The following PIAS4 variants were observed in gnomAD, a reference collection of about 807,000 sequenced individuals.
PIAS4 encodes E3 SUMO-protein ligase PIAS4.
In PIAS4, 7 loss-of-function variants were observed where a neutral mutation model predicts 58.0. That is an observed-to-expected ratio of 0.12 (90% CI 0.07 to 0.23). The LOEUF (loss-of-function observed/expected upper bound fraction) is 0.23, where lower values mean the gene tolerates loss of function less well. Among genes scored for constraint, PIAS4 ranks in the 10% least tolerant of loss-of-function variants. The pLI is 1.00. For synonymous variants in PIAS4, 364 were observed against 312.4 expected (o/e 1.17, Z -1.74); for missense variants, 550 against 709.5 (o/e 0.78, Z 2.55).
intron 2 of PIAS4, among the ~76,000 whole-genome samples, chr19:4,019,766 C>T (rs909919328): frequency 3.9e-5 from 6 of 152,170 alleles, no homozygotes; most frequent in South Asian, 2.1e-4. Flanking sequence ...AGCATATAAA[C>T]GGGAACCGGC....
At position 4,013,933 on chromosome 19, in the gene PIAS4, C is replaced by T. The variant is rs777433553; in HGVS notation, c.454+584C>T. On this transcript the variant is annotated intron_variant, in intron 2 of 10. Coordinates refer to ENST00000262971, the MANE Select transcript of PIAS4 (RefSeq NM_015897.4). This position sits in a 1 kb window ranked among gnomAD's most constrained non-coding sequence, Gnocchi z 5.1. ...TCCCCCACAGAGTCCGTTGCTCACA[C>T]AGACTCTGTGGCGCATGCAGGGACC... is the stretch of plus-strand genomic sequence containing the variant. Among the ~76,000 whole-genome samples the T allele has an allele frequency of 9.2e-5, 14 of 152,132 alleles. No homozygotes were observed. Among genetic ancestry groups the T allele is most frequent in the Admixed American group, 7.2e-4 (11 of 15,284 alleles).
intron 9 of PIAS4, among the ~76,000 whole-genome samples, chr19:4,035,145 CAG>C (rs901945421): frequency 1.3e-5 from 2 of 152,150 alleles, no homozygotes; most frequent in African/African-American, 2.4e-5. Context: ...AGCATCGCCT[CAG>C]AGAGAGCTCG....
At chr19:4,020,651 A>C (rs2040100423) in intron 2 of PIAS4, among the ~76,000 whole-genome samples, 1 of 152,236 alleles carries the variant, frequency 6.6e-6, no homozygotes, top group Non-Finnish European at 1.5e-5. Context: ...ATGTAGACAC[A>C]GTCTTGCTAT....
At position 4,032,470 on chromosome 19, in the gene PIAS4, C is replaced by T. The variant is rs2040231569; in HGVS notation, c.908-630C>T. Among the ~76,000 whole-genome samples, 3 of 152,254 alleles carry T rather than the reference C, an allele frequency of 2.0e-5. No individual in the cohort carries two copies. The South Asian group carries it at 6.2e-4, about 31-fold the overall frequency. ...GCAGCCAGGGTCCCTGCGTGAGTTT[C>T]CTTCTGGCTGTGGGCCTGCTGCCCG... On this transcript the variant is annotated intron_variant, in intron 7 of 10. Coordinates refer to ENST00000262971, the MANE Select transcript of PIAS4 (RefSeq NM_015897.4).
chr19:4,010,834 G>T (rs970282460), intron 1 of PIAS4, among the ~76,000 whole-genome samples: 1 of 152,242 alleles, frequency 6.6e-6, no homozygotes, highest in African/African-American at 2.4e-5. Context: ...ACAGTCACGG[G>T]GCCCCGCAGC....
chr19:4,026,816 A>G (rs2040169597), intron 3 of PIAS4, among the ~76,000 whole-genome samples: 1 of 151,654 alleles, frequency 6.6e-6, no homozygotes, highest in Non-Finnish European at 1.5e-5. Flanking sequence ...CTGACTAGCT[A>G]GGATTACAGG....
chr19:4,012,878 T>C (rs778383451), intron 1 of PIAS4, 45 bp from the exon 2 acceptor site: 128 of 1,560,926 alleles, frequency 8.2e-5, no homozygotes, highest in Non-Finnish European at 1.1e-4. Flanking sequence ...GTCCCCTGCC[T>C]CGCAGCTGTG....
intron 2 of PIAS4, among the ~76,000 whole-genome samples, chr19:4,019,297 T>G (rs1245670271): frequency 1.3e-5 from 2 of 152,040 alleles, no homozygotes; most frequent in African/African-American, 2.4e-5. Context: ...GGCACAGCAG[T>G]GAGAGCACAG....
intron 2 of PIAS4, among the ~76,000 whole-genome samples, chr19:4,021,963 G>A (rs2040114419): frequency 6.6e-6 from 1 of 151,848 alleles, no homozygotes; most frequent in Admixed American, 6.6e-5. Context: ...TGCCCAGGCT[G>A]GCCTCAAACT....
intron 9 of PIAS4, among the ~76,000 whole-genome samples, chr19:4,033,991 A>T (rs964462513): frequency 1.3e-5 from 2 of 150,218 alleles, no homozygotes; most frequent in African/African-American, 5.1e-5. Flanking sequence ...CGCCTCCTGG[A>T]GCACTCTGGC....
At chr19:4,014,967 C>CGAGGCTCCTCCCTCCAGCCT (rs952283345) in intron 2 of PIAS4, among the ~76,000 whole-genome samples, 1 of 152,088 alleles carries the variant, frequency 6.6e-6, no homozygotes, top group Non-Finnish European at 1.5e-5. Flanking sequence ...CTGCGGCAGC[C>CGAGGCTCCTCCCTCCAGCCT]GAGGCTCCTC....
At position 4,033,588 on chromosome 19, in the gene PIAS4, C is replaced by T. The variant is rs7252360; in HGVS notation, c.1142+8C>T. 8.9e-5 allele frequency: 141 copies of T among 1,592,266 alleles called. No individual in the cohort carries two copies. In the African/African-American group the frequency reaches 1.1e-3, roughly 12 times the overall value. ...CCAGCTCATCATCGACGGGTGAGCC[C>T]GGGGCCCCGGGGAGGGCGGCCGGAG... is the stretch of plus-strand genomic sequence containing the variant. On this transcript the variant is annotated splice_region_variant and intron_variant, in intron 9 of 10. Coordinates refer to ENST00000262971, the MANE Select transcript of PIAS4 (RefSeq NM_015897.4).
chr19:4,017,505 G>A (rs375587892), intron 2 of PIAS4, among the ~76,000 whole-genome samples: 53 of 152,200 alleles, frequency 3.5e-4, no homozygotes, highest in African/African-American at 1.2e-3. Flanking sequence ...ATACCTGACT[G>A]TGCTGCCTCT....
At chr19:4,014,788 G>A (rs1441809726) in intron 2 of PIAS4, among the ~76,000 whole-genome samples, 1 of 152,162 alleles carries the variant, frequency 6.6e-6, no homozygotes, top group Non-Finnish European at 1.5e-5. Context: ...GCTGGCCCCC[G>A]CTCCCCTGCC....
chr19:4,033,044 C>A, intron 7 of PIAS4, 56 bp from the exon 8 acceptor site: 2 of 1,401,676 alleles, frequency 1.4e-6, no homozygotes, highest in Non-Finnish European at 1.0e-6. Flanking sequence ...CGAATCACAG[C>A]CCCGCGCCCT....
At chr19:4,022,817 C>T (rs953430776) in intron 2 of PIAS4, among the ~76,000 whole-genome samples, 7 of 151,368 alleles carry the variant, frequency 4.6e-5, no homozygotes, top group East Asian at 3.9e-4. Flanking sequence ...GGATTACAGG[C>T]GCCCGAACCA....
At chr19:4,027,111 C>T (rs1301297642) in intron 3 of PIAS4, among the ~76,000 whole-genome samples, 1 of 152,136 alleles carries the variant, frequency 6.6e-6, no homozygotes, top group East Asian at 1.9e-4. Flanking sequence ...CTCGGCCTCC[C>T]AAAGTGCTGG....
At chr19:4,029,701 A>C (rs2040203967) in intron 7 of PIAS4, among the ~76,000 whole-genome samples, 1 of 151,114 alleles carries the variant, frequency 6.6e-6, no homozygotes, top group African/African-American at 2.4e-5. Flanking sequence ...GCTACAGTGC[A>C]GTGGTGGGAT....
intron 3 of PIAS4, among the ~76,000 whole-genome samples, chr19:4,025,823 C>A (rs1055288824): frequency 1.1e-4 from 17 of 152,140 alleles, no homozygotes; most frequent in African/African-American, 4.1e-4. Context: ...ACTGTAATCG[C>A]AGCCCTTTGG....
Sources: gnomAD v4.1 joint callset for allele counts (sites outside exome capture counted in the v4.1 genomes callset) on GRCh38, gnomAD v4.1.1 for gene constraint, Gnocchi (gnomAD v3.1) non-coding constraint, MANE v1.5 for transcripts, NCBI Gene and HGNC (gene_info 2026-07-23, HGNC 2026-07-21) for gene names.